LINGO2: variants seen among roughly 807,000 people sequenced by gnomAD.
The protein encoded by LINGO2 is leucine-rich repeat and immunoglobulin-like domain-containing nogo receptor-interacting protein 2.
LINGO2 carries 14 observed loss-of-function variants against 30.6 expected under a neutral mutation model. The ratio of observed to expected loss-of-function variants is 0.46; its 90% CI spans 0.30 to 0.72. LINGO2 has a LOEUF of 0.72. Among genes scored for constraint, LINGO2 ranks in the 30% least tolerant of loss-of-function variants. The pLI is 0.07. For missense variants in LINGO2, 729 were observed against 751.7 expected (o/e 0.97, Z 0.35); for synonymous variants, 317 against 288.5 (o/e 1.10, Z -1.00).
chr9:28,825,666 A>C, the LINGO2 span, among the ~76,000 whole-genome samples: 1 of 152,130 alleles, frequency 6.6e-6, no homozygotes, highest in East Asian at 1.9e-4. Context: ...GCAGTAAAAT[A>C]GGCCTACCTG....
At chr9:28,402,339 T>C (rs1461530508) in intron 2 of LINGO2, among the ~76,000 whole-genome samples, 2 of 152,166 alleles carry the variant, frequency 1.3e-5, no homozygotes, top group East Asian at 1.9e-4. Context: ...AAAAGAGGAA[T>C]AGTCGCAGTT....
intron 4 of LINGO2, among the ~76,000 whole-genome samples, chr9:28,213,305 A>G: frequency 6.6e-6 from 1 of 151,424 alleles, no homozygotes; most frequent in Non-Finnish European, 1.5e-5. Flanking sequence ...GTGTTTTTCT[A>G]GAAAAAAAAT....
the LINGO2 span, among the ~76,000 whole-genome samples, chr9:29,066,225 G>A: frequency 4.0e-5 from 6 of 151,774 alleles, no homozygotes; most frequent in African/African-American, 1.5e-4. Context: ...TTATAAACTG[G>A]GGGTGGGAAC....
chr9:28,670,633 T>A (rs1178229363), upstream of LINGO2, among the ~76,000 whole-genome samples: 1 of 152,160 alleles, frequency 6.6e-6, no homozygotes, highest in Non-Finnish European at 1.5e-5. Flanking sequence ...ATTTTTCTAG[T>A]CATGATGCTA....
the LINGO2 span, among the ~76,000 whole-genome samples, chr9:28,837,890 T>A: frequency 6.6e-6 from 1 of 151,160 alleles, no homozygotes; most frequent in African/African-American, 2.4e-5. Flanking sequence ...AAAATGTGAT[T>A]TCCAGAAAAA....
At chr9:28,300,932 T>C (rs984083769) in intron 3 of LINGO2, among the ~76,000 whole-genome samples, 1 of 151,346 alleles carries the variant, frequency 6.6e-6, no homozygotes, top group African/African-American at 2.5e-5. Context: ...TTGATCCTGA[T>C]TGGTTTGGCT....
At chr9:28,597,468 G>T (rs557860916) in intron 1 of LINGO2, among the ~76,000 whole-genome samples, 84 of 152,264 alleles carry the variant, frequency 5.5e-4, no homozygotes, top group African/African-American at 2.0e-3. Flanking sequence ...GTCAAACCAA[G>T]AATTGGTCAA....
the LINGO2 span, among the ~76,000 whole-genome samples, chr9:29,186,964 T>C: frequency 2.0e-5 from 3 of 152,160 alleles, no homozygotes; most frequent in African/African-American, 4.8e-5. Flanking sequence ...GGTTTTCATA[T>C]AGACTCCATT....
intron 3 of LINGO2, among the ~76,000 whole-genome samples, chr9:28,355,329 CTCTG>C (rs749720407): frequency 0.1 from 13,769 of 138,218 alleles, 1,161 homozygotes; most frequent in Admixed American, 0.16. Flanking sequence ...CTCTCTCTGT[CTCTG>C]TCTCTCTCTC....
the LINGO2 span, among the ~76,000 whole-genome samples, chr9:28,854,776 A>T: frequency 5.5e-4 from 84 of 152,088 alleles, 1 homozygote; most frequent in African/African-American, 2.0e-3. Flanking sequence ...GAACTTCAAT[A>T]CTGTCAGGTA....
chr9:28,373,977 C>A (rs1005519937), intron 2 of LINGO2, among the ~76,000 whole-genome samples: 6 of 151,174 alleles, frequency 4.0e-5, no homozygotes, highest in Admixed American at 6.6e-5. Context: ...AGGCATGACA[C>A]AACCAGGCTT....
chr9:28,966,635 T>C, the LINGO2 span, among the ~76,000 whole-genome samples: 6 of 152,150 alleles, frequency 3.9e-5, 1 homozygote, highest in African/African-American at 1.2e-4. Flanking sequence ...ACTTAGCGTA[T>C]GGTAGAGTTA....
chr9:28,771,455 GTGTGTGTGTGTGTGT>G, the LINGO2 span, among the ~76,000 whole-genome samples: 3 of 67,664 alleles, frequency 4.4e-5, no homozygotes, highest in Admixed American at 1.3e-4. Context: ...CCTATTTGGT[GTGTGTGTGTGTGTGT>G]GTGTGTGTGT....
At chr9:28,811,917 C>T in the LINGO2 span, among the ~76,000 whole-genome samples, 1 of 151,930 alleles carries the variant, frequency 6.6e-6, no homozygotes, top group Non-Finnish European at 1.5e-5. Context: ...CCTTATTCAC[C>T]CCTAGAACAC....
intron 3 of LINGO2, among the ~76,000 whole-genome samples, chr9:28,298,410 A>G (rs1395448156): frequency 6.6e-6 from 1 of 151,814 alleles, no homozygotes; most frequent in East Asian, 1.9e-4. Flanking sequence ...TCACACCTGT[A>G]ATCCCAGCAC....
intron 4 of LINGO2, among the ~76,000 whole-genome samples, chr9:28,094,390 C>A (rs1252321294): frequency 6.6e-6 from 1 of 151,958 alleles, no homozygotes; most frequent in Non-Finnish European, 1.5e-5. Context: ...CAGAATGTCC[C>A]AAAATGACTT....
At chr9:28,990,286 G>A in the LINGO2 span, among the ~76,000 whole-genome samples, 1 of 152,220 alleles carries the variant, frequency 6.6e-6, no homozygotes, top group African/African-American at 2.4e-5. Flanking sequence ...CTGCAAGGCA[G>A]CAGCAAGGCT....
chr9:27,940,778 C>A, the LINGO2 span: 1 of 152,078 alleles, frequency 6.6e-6, no homozygotes, highest in Non-Finnish European at 1.5e-5. Flanking sequence ...AATACATGAC[C>A]AGAAAGTCTT....
chr9:28,221,298 TAAAAAAA>T (rs141151588), intron 4 of LINGO2, among the ~76,000 whole-genome samples: 1 of 83,736 alleles, frequency 1.2e-5, no homozygotes. Context: ...AGACCCCGTC[TAAAAAAA>T]AAAAAAAAAA....
Sources: gnomAD v4.1 joint callset for allele counts (sites outside exome capture counted in the v4.1 genomes callset) on GRCh38, gnomAD v4.1.1 for gene constraint, MANE v1.5 for transcripts, NCBI Gene and HGNC (gene_info 2026-07-23, HGNC 2026-07-21) for gene names.